The following SPOCK3 variants were observed in gnomAD, a reference collection of about 807,000 sequenced individuals.
SPOCK3 encodes testican-3.
Under a neutral mutation model 56.6 loss-of-function variants are expected in SPOCK3, and 30 were observed. That is an observed-to-expected ratio of 0.53 (90% CI 0.40 to 0.72). SPOCK3 has a LOEUF of 0.72. Among genes scored for constraint, SPOCK3 ranks in the 30% least tolerant of loss-of-function variants. The probability of loss-of-function intolerance (pLI) is 0.00; values close to 1 mark genes in which losing one functional copy is unlikely to be tolerated. For missense variants in SPOCK3, 527 were observed against 530.0 expected (o/e 0.99, Z 0.06); for synonymous variants, 196 against 183.3 (o/e 1.07, Z -0.56).
chr4:166,950,335 AAG>A (rs1742394361), intron 4 of SPOCK3, among the ~76,000 whole-genome samples: 1 of 151,536 alleles, frequency 6.6e-6, no homozygotes, highest in Admixed American at 6.6e-5. Context: ...AAAAGAGACA[AAG>A]AAGGCCATTA....
intron 2 of SPOCK3, among the ~76,000 whole-genome samples, chr4:167,210,030 T>C (rs1734718238): frequency 6.6e-6 from 1 of 152,140 alleles, no homozygotes; most frequent in African/African-American, 2.4e-5. Context: ...AAGGAGGCAA[T>C]TGTAGGAGCA....
intron 4 of SPOCK3, among the ~76,000 whole-genome samples, chr4:166,931,024 C>T (rs1579690017): frequency 6.6e-6 from 1 of 152,080 alleles, no homozygotes; most frequent in East Asian, 1.9e-4. Flanking sequence ...ACTCTGTCGC[C>T]AAGCTGGAGT....
chr4:167,182,851 T>C (rs574345149), intron 2 of SPOCK3, among the ~76,000 whole-genome samples: 3 of 152,286 alleles, frequency 2.0e-5, no homozygotes, highest in East Asian at 3.9e-4. Context: ...TCTTTCTTAC[T>C]TATCTTTTGG....
chr4:166,792,594 CT>C (rs1268989496), intron 6 of SPOCK3, among the ~76,000 whole-genome samples: 1 of 151,902 alleles, frequency 6.6e-6, no homozygotes, highest in Non-Finnish European at 1.5e-5. Context: ...GTCATAAATA[CT>C]TTTTTATGCT....
chr4:167,139,180 T>C (rs980044473), intron 2 of SPOCK3, among the ~76,000 whole-genome samples: 4 of 151,970 alleles, frequency 2.6e-5, no homozygotes, highest in Admixed American at 6.6e-5. Context: ...CGGTGATCCA[T>C]TTAAAACCAT....
intron 4 of SPOCK3, among the ~76,000 whole-genome samples, chr4:166,919,895 G>A (rs1260266625): frequency 6.6e-6 from 1 of 152,050 alleles, no homozygotes; most frequent in Non-Finnish European, 1.5e-5. Flanking sequence ...ATATTAAAAT[G>A]CATTATTTTA....
chr4:167,205,416 AATATAT>A (rs1734108586), intron 2 of SPOCK3, among the ~76,000 whole-genome samples: 2 of 42,146 alleles, frequency 4.7e-5, no homozygotes, highest in African/African-American at 2.2e-4. Context: ...TTATATATTA[AATATAT>A]AATATATAAT....
At chr4:166,843,259 G>A (rs561586541) in intron 6 of SPOCK3, among the ~76,000 whole-genome samples, 22 of 152,378 alleles carry the variant, frequency 1.4e-4, no homozygotes, top group African/African-American at 5.3e-4. Flanking sequence ...GGGCTGAAGG[G>A]CTTCTCAAGC....
At chr4:166,807,682 C>A (rs934588883) in intron 6 of SPOCK3, among the ~76,000 whole-genome samples, 1 of 152,064 alleles carries the variant, frequency 6.6e-6, no homozygotes. Context: ...TTGAATAGGA[C>A]ACATACTATA....
intron 2 of SPOCK3, among the ~76,000 whole-genome samples, chr4:167,198,398 G>T (rs1221978771): frequency 1.3e-5 from 2 of 152,062 alleles, no homozygotes; most frequent in Admixed American, 1.3e-4. Flanking sequence ...GGAAAATAGT[G>T]AACTCCCACC....
At chr4:166,887,829 C>T (rs1734357940) in intron 6 of SPOCK3, among the ~76,000 whole-genome samples, 2 of 147,930 alleles carry the variant, frequency 1.4e-5, no homozygotes, top group African/African-American at 5.0e-5. Context: ...ACTCATGCAG[C>T]CAAATACCAC....
At chr4:167,210,584 ATGTG>A (rs1734772864) in intron 2 of SPOCK3, among the ~76,000 whole-genome samples, 1 of 152,140 alleles carries the variant, frequency 6.6e-6, no homozygotes, top group South Asian at 2.1e-4. Flanking sequence ...TAAAAGATAA[ATGTG>A]TGTATTTAGC....
chr4:166,822,258 G>A (rs1168941927), intron 6 of SPOCK3, among the ~76,000 whole-genome samples: 9 of 151,808 alleles, frequency 5.9e-5, no homozygotes, highest in East Asian at 1.9e-4. Context: ...TTGTTTTCCC[G>A]CTGACCAACG....
chr4:167,114,150 G>A (rs1187268138), intron 2 of SPOCK3, among the ~76,000 whole-genome samples: 1 of 152,022 alleles, frequency 6.6e-6, no homozygotes, highest in East Asian at 1.9e-4. Context: ...TAAAATAAAC[G>A]AGAGAGAGGT....
rs777287306 is a variant in SPOCK3 at position 167,195,680 on chromosome 4, T to C, written c.189+38305A>G. Reference sequence around the variant, plus strand: ...GTATGACTCTTTTCAGGTCCCTTGGTAGATGACGCTGGAGGTAGGACCAAG... The same window carrying C: ...GTATGACTCTTTTCAGGTCCCTTGGCAGATGACGCTGGAGGTAGGACCAAG... On this transcript the variant is annotated intron_variant, in intron 2 of 10. Coordinates refer to ENST00000357545, the MANE Select transcript of SPOCK3 (RefSeq NM_001040159.2). Among the ~76,000 whole-genome samples the C allele has an allele frequency of 8.7e-4, 133 of 152,136 alleles. 2 individuals are homozygous for C. Among genetic ancestry groups the C allele is most frequent in the Non-Finnish European group, 2.2e-4 (15 of 68,036 alleles).
At chr4:167,189,897 C>G (rs1189297602) in intron 2 of SPOCK3, among the ~76,000 whole-genome samples, 1 of 145,802 alleles carries the variant, frequency 6.9e-6, no homozygotes, top group Non-Finnish European at 1.5e-5. Context: ...CTGAGTTTGG[C>G]TTACTTTACT....
chr4:166,765,952 A>G (rs6839020), intron 7 of SPOCK3, among the ~76,000 whole-genome samples: 49,730 of 151,310 alleles, frequency 0.33, 8,342 homozygotes, highest in Admixed American at 0.41. Context: ...TGAAGCAATT[A>G]TGAATGGGAG....
chr4:166,839,256 G>A (rs926087463), intron 6 of SPOCK3, among the ~76,000 whole-genome samples: 1 of 152,104 alleles, frequency 6.6e-6, no homozygotes, highest in South Asian at 2.1e-4. Flanking sequence ...TTGACCCTGA[G>A]GAGTTGTGCC....
At chr4:167,102,667 G>C (rs546510143) in intron 2 of SPOCK3, 87 of 152,274 alleles carry the variant, frequency 5.7e-4, no homozygotes, top group African/African-American at 2.0e-3. Context: ...GCTAAACTCA[G>C]CCAATGCCCA....
Sources: gnomAD v4.1 joint callset for allele counts (sites outside exome capture counted in the v4.1 genomes callset) on GRCh38, gnomAD v4.1.1 for gene constraint, MANE v1.5 for transcripts, NCBI Gene and HGNC (gene_info 2026-07-23, HGNC 2026-07-21) for gene names.